UNC13C: variants seen among roughly 807,000 people sequenced by gnomAD.
UNC13C encodes the protein protein unc-13 homolog C.
UNC13C carries 174 observed loss-of-function variants against 245.4 expected under a neutral mutation model. The ratio of observed to expected loss-of-function variants is 0.71; its 90% CI spans 0.63 to 0.80. The LOEUF (loss-of-function observed/expected upper bound fraction) is 0.80. Among genes scored for constraint, UNC13C ranks in the 30% least tolerant of loss-of-function variants. The pLI, the probability that UNC13C is intolerant of heterozygous loss-of-function variation, is 0.00. For synonymous variants in UNC13C, 992 were observed against 895.1 expected (o/e 1.11, Z -1.93); for missense variants, 2,829 against 2,602.9 (o/e 1.09, Z -1.89).
At chr15:54,431,646 CTG>C (rs2040876097) in intron 19 of UNC13C, among the ~76,000 whole-genome samples, 1 of 151,632 alleles carries the variant, frequency 6.6e-6, no homozygotes, top group Admixed American at 6.6e-5. Flanking sequence ...TTTTTCAAGA[CTG>C]TTGGTTATAC....
At chr15:54,340,169 A>G (rs1012348731) in intron 17 of UNC13C, among the ~76,000 whole-genome samples, 1 of 152,040 alleles carries the variant, frequency 6.6e-6, no homozygotes, top group African/African-American at 2.4e-5. Flanking sequence ...AGTTTCTTGT[A>G]GATTCTGGAT....
the UNC13C span, among the ~76,000 whole-genome samples, chr15:53,969,707 C>T: frequency 5.6e-5 from 8 of 141,966 alleles, no homozygotes; most frequent in African/African-American, 1.3e-4. Context: ...AAAAAAAAAT[C>T]GAACGAACAA....
chr15:54,277,738 G>A (rs2036869678), intron 10 of UNC13C, among the ~76,000 whole-genome samples: 1 of 152,154 alleles, frequency 6.6e-6, no homozygotes, highest in Admixed American at 6.5e-5. Context: ...TTCCAAGGAT[G>A]AATTAAAACA....
intron 19 of UNC13C, among the ~76,000 whole-genome samples, chr15:54,428,845 C>T (rs970986249): frequency 6.6e-6 from 1 of 151,554 alleles, no homozygotes; most frequent in Non-Finnish European, 1.5e-5. Flanking sequence ...CTTGTACTGT[C>T]CCATGGTGCT....
intron 19 of UNC13C, among the ~76,000 whole-genome samples, chr15:54,478,439 T>C (rs1892901635): frequency 7.1e-6 from 1 of 140,520 alleles, no homozygotes; most frequent in Non-Finnish European, 1.5e-5. Flanking sequence ...CTTTCTCTTG[T>C]GGGCATTTAG....
At chr15:53,847,621 C>T in the UNC13C span, among the ~76,000 whole-genome samples, 5 of 151,820 alleles carry the variant, frequency 3.3e-5, no homozygotes, top group Non-Finnish European at 7.4e-5. Flanking sequence ...CCACCTCGGC[C>T]TCCCAAAGTG....
At chr15:54,204,026 T>C (rs1047551866) in intron 4 of UNC13C, among the ~76,000 whole-genome samples, 5 of 151,672 alleles carry the variant, frequency 3.3e-5, no homozygotes, top group African/African-American at 1.2e-4. Context: ...ACTATTACTC[T>C]AAGTGAAGTA....
the UNC13C span, among the ~76,000 whole-genome samples, chr15:53,945,888 G>A: frequency 6.6e-6 from 1 of 152,092 alleles, no homozygotes; most frequent in Non-Finnish European, 1.5e-5. Flanking sequence ...AGTATGGAAT[G>A]TTTTTCCATT....
In UNC13C at chr15:54,185,188, G is replaced by A. The variant is rs563022212; in HGVS notation, c.3071+41504G>A. Among the ~76,000 whole-genome samples, 3 of 148,690 alleles carry A rather than the reference G, an allele frequency of 2.0e-5. No homozygotes were observed. In the South Asian group the frequency reaches 6.3e-4, roughly 31 times the overall value. On this transcript the variant is annotated intron_variant, in intron 4 of 32. Coordinates refer to ENST00000260323, the MANE Select transcript of UNC13C (RefSeq NM_001080534.3). ...ATATTAGCCCTTTGTCAGATGAGTA[G>A]GTTGCAAAAATTTTTCTCCCATTCT...
intron 19 of UNC13C, among the ~76,000 whole-genome samples, chr15:54,465,241 G>T (rs375233972): frequency 2.3e-4 from 35 of 151,960 alleles, no homozygotes; most frequent in Non-Finnish European, 4.0e-4. Context: ...CTTATCTTCA[G>T]TTTACCCTAA....
chr15:54,593,135 C>A (rs1898892595), intron 30 of UNC13C, among the ~76,000 whole-genome samples: 1 of 152,138 alleles, frequency 6.6e-6, no homozygotes, highest in African/African-American at 2.4e-5. Context: ...AAGATAAGGG[C>A]CCAATCCCTT....
At chr15:54,235,459 CTTTA>C (rs556748278) in intron 5 of UNC13C, among the ~76,000 whole-genome samples, 404 of 151,966 alleles carry the variant, frequency 2.7e-3, no homozygotes, top group African/African-American at 9.4e-3. Flanking sequence ...ATGCTTGAGG[CTTTA>C]TTTAAACTTC....
the UNC13C span, among the ~76,000 whole-genome samples, chr15:53,955,151 A>T: frequency 6.6e-6 from 1 of 152,170 alleles, no homozygotes; most frequent in Non-Finnish European, 1.5e-5. Flanking sequence ...CAAGCTATCT[A>T]GATAATATCT....
chr15:54,480,408 T>C (rs1275465325), intron 19 of UNC13C, among the ~76,000 whole-genome samples: 1 of 117,732 alleles, frequency 8.5e-6, no homozygotes, highest in Non-Finnish European at 1.7e-5. Flanking sequence ...GTTCATTCTT[T>C]TTTTACTCTT....
At chr15:54,308,803 C>T (rs2037790664) in intron 13 of UNC13C, among the ~76,000 whole-genome samples, 1 of 151,542 alleles carries the variant, frequency 6.6e-6, no homozygotes, top group Non-Finnish European at 1.5e-5. Flanking sequence ...ACATAATGTT[C>T]TCCATGTTCA....
At chr15:53,974,208 T>A (rs1190468798), upstream of UNC13C, among the ~76,000 whole-genome samples, 3 of 152,252 alleles carry the variant, frequency 2.0e-5, no homozygotes, top group Admixed American at 6.5e-5. Flanking sequence ...TGTTACTGAC[T>A]CACTATTGTT....
chr15:54,375,302 TA>T (rs1404049163), intron 17 of UNC13C, among the ~76,000 whole-genome samples: 3 of 152,214 alleles, frequency 2.0e-5, no homozygotes, highest in African/African-American at 7.2e-5. Context: ...TTGGATTTTT[TA>T]ATATCATTTT....
chr15:54,052,460 G>C (rs1351038062), intron 2 of UNC13C, among the ~76,000 whole-genome samples: 1 of 151,742 alleles, frequency 6.6e-6, no homozygotes, highest in Non-Finnish European at 1.5e-5. Flanking sequence ...CATTCTAACT[G>C]GTGTGAGATG....
chr15:54,361,571 T>C (rs148114992), intron 17 of UNC13C, among the ~76,000 whole-genome samples: 2 of 152,322 alleles, frequency 1.3e-5, no homozygotes, highest in East Asian at 1.9e-4. Flanking sequence ...AATGCTTGCA[T>C]TGATGTCTTC....
Sources: gnomAD v4.1 joint callset for allele counts (sites outside exome capture counted in the v4.1 genomes callset) on GRCh38, gnomAD v4.1.1 for gene constraint, MANE v1.5 for transcripts, NCBI Gene and HGNC (gene_info 2026-07-23, HGNC 2026-07-21) for gene names.